Variants in METTL24 observed in about 807,000 individuals in gnomAD.
METTL24 encodes the protein probable methyltransferase-like protein 24.
A neutral mutation model predicts 32.7 loss-of-function variants in METTL24; 29 were observed. The observed-to-expected ratio is 0.89, with a 90% CI of 0.66 to 1.21. The LOEUF (loss-of-function observed/expected upper bound fraction) is 1.21. Ranked by LOEUF, METTL24 falls within the 50% of genes most tolerant of loss-of-function variation. The probability of loss-of-function intolerance (pLI) is 0.00; values close to 1 mark genes in which losing one functional copy is unlikely to be tolerated. For synonymous variants in METTL24, 163 were observed against 179.5 expected, an observed-to-expected ratio of 0.91 and a Z score of 0.73; for missense variants, 439 against 468.1, an observed-to-expected ratio of 0.94 and a Z score of 0.57.
chr6:110,328,364 T>G (rs1562238799), intron 1 of METTL24, among the ~76,000 whole-genome samples: 1 of 152,234 alleles, frequency 6.6e-6, no homozygotes, highest in East Asian at 1.9e-4. Context: ...TTTTCATTAC[T>G]AGAGAAAAAT....
At chr6:110,295,440 G>A (rs984356809) in intron 4 of METTL24, among the ~76,000 whole-genome samples, 3 of 152,168 alleles carry the variant, frequency 2.0e-5, no homozygotes, top group Admixed American at 6.5e-5. Flanking sequence ...GCAGGTGAAG[G>A]AAGACACAGT....
chr6:110,344,091 C>G (rs1002932498), intron 1 of METTL24, among the ~76,000 whole-genome samples: 1 of 152,136 alleles, frequency 6.6e-6, no homozygotes, highest in African/African-American at 2.4e-5. Flanking sequence ...TGTAATCTGC[C>G]CAACAATGCA....
intron 3 of METTL24, among the ~76,000 whole-genome samples, chr6:110,306,402 A>G (rs1341840579): frequency 6.6e-6 from 1 of 151,784 alleles, no homozygotes; most frequent in African/African-American, 2.4e-5. Flanking sequence ...TAATTTCCAG[A>G]GATGATCATG....
intron 1 of METTL24, among the ~76,000 whole-genome samples, chr6:110,323,138 A>G (rs538225891): frequency 1.3e-5 from 2 of 152,334 alleles, no homozygotes; most frequent in East Asian, 1.9e-4. Flanking sequence ...CTGACTCTGC[A>G]TGTATGATCA....
chr6:110,350,980 C>T (rs930984985), intron 1 of METTL24, among the ~76,000 whole-genome samples: 33 of 151,878 alleles, frequency 2.2e-4, no homozygotes, highest in African/African-American at 7.5e-4. Context: ...TGGTGGCAGG[C>T]GCCTGTAATC....
At chr6:110,279,824 C>T (rs1432432312) in intron 4 of METTL24, among the ~76,000 whole-genome samples, 2 of 152,084 alleles carry the variant, frequency 1.3e-5, no homozygotes, top group Admixed American at 6.6e-5. Context: ...TCATGTTGCT[C>T]TAAAGAAATA....
intron 4 of METTL24, among the ~76,000 whole-genome samples, chr6:110,286,983 T>G (rs185032494): frequency 4.7e-4 from 72 of 152,256 alleles, no homozygotes; most frequent in Admixed American, 1.1e-3. Flanking sequence ...ATCTTGTGAG[T>G]TAATACTTAA....
At chr6:110,302,050 C>T (rs1042740214) in intron 3 of METTL24, among the ~76,000 whole-genome samples, 2 of 151,984 alleles carry the variant, frequency 1.3e-5, no homozygotes, top group African/African-American at 4.8e-5. Flanking sequence ...CCGAGGTGGG[C>T]AGATCACGAG....
intron 4 of METTL24, among the ~76,000 whole-genome samples, chr6:110,296,877 T>C (rs1191737231): frequency 2.0e-5 from 3 of 152,132 alleles, no homozygotes; most frequent in Admixed American, 6.6e-5. Flanking sequence ...TGAAAACAGA[T>C]CGTGCTTGCT....
intron 4 of METTL24, among the ~76,000 whole-genome samples, chr6:110,261,197 A>T (rs948442776): frequency 4.6e-5 from 7 of 152,244 alleles, no homozygotes; most frequent in Admixed American, 3.3e-4. Context: ...GTCAAGACCC[A>T]TCAGTGTGCT....
chr6:110,253,942 A>G, intron 4 of METTL24: 1 of 1,454,826 alleles, frequency 6.9e-7, no homozygotes, highest in Non-Finnish European at 9.1e-7. Context: ...AGGAGGGGTG[A>G]GGAGGATGGC....
At chr6:110,271,582 A>C (rs958786410) in intron 4 of METTL24, among the ~76,000 whole-genome samples, 1 of 152,192 alleles carries the variant, frequency 6.6e-6, no homozygotes, top group Admixed American at 6.5e-5. Flanking sequence ...CCACACATAC[A>C]TTTGAACTTA....
At chr6:110,318,920 T>C (rs558006040) in intron 2 of METTL24, among the ~76,000 whole-genome samples, 2 of 152,344 alleles carry the variant, frequency 1.3e-5, no homozygotes, top group Admixed American at 6.5e-5. Flanking sequence ...ACTCAACTAA[T>C]TATGTTCTCT....
intron 1 of METTL24, among the ~76,000 whole-genome samples, chr6:110,355,190 G>C (rs144640911): frequency 6.6e-6 from 1 of 152,258 alleles, no homozygotes; most frequent in African/African-American, 2.4e-5. Context: ...CATTCCAAGT[G>C]GGGGAGGGGT....
At chr6:110,303,511 A>C (rs1403521733) in intron 3 of METTL24, among the ~76,000 whole-genome samples, 2 of 152,186 alleles carry the variant, frequency 1.3e-5, no homozygotes, top group Non-Finnish European at 2.9e-5. Flanking sequence ...AGGCTTAAGT[A>C]GGCGGTTTTC....
chr6:110,346,337 T>C (rs1411346450), intron 1 of METTL24, among the ~76,000 whole-genome samples: 1 of 152,136 alleles, frequency 6.6e-6, no homozygotes, highest in Non-Finnish European at 1.5e-5. Context: ...CCTGCCTTCA[T>C]AGGGAATGAC....
chr6:110,341,062 ATTAAG>A (rs1772346885), intron 1 of METTL24, among the ~76,000 whole-genome samples: 1 of 151,044 alleles, frequency 6.6e-6, no homozygotes, highest in African/African-American at 2.4e-5. Flanking sequence ...TGTTTTTCCT[ATTAAG>A]TTAATGGCTT....
chr6:110,281,312 G>T (rs1421045283), intron 4 of METTL24, among the ~76,000 whole-genome samples: 1 of 152,092 alleles, frequency 6.6e-6, no homozygotes, highest in Admixed American at 6.6e-5. Flanking sequence ...AAATAAAGAG[G>T]TTGGGAAATT....
At chr6:110,354,941 C>A (rs977260317) in intron 1 of METTL24, among the ~76,000 whole-genome samples, 7 of 152,218 alleles carry the variant, frequency 4.6e-5, no homozygotes, top group African/African-American at 1.7e-4. Flanking sequence ...GCAAAAGGCC[C>A]ATTTATTTCT....
Sources: allele counts gnomAD v4.1 joint callset (sites outside exome capture counted in the v4.1 genomes callset), GRCh38; gene constraint gnomAD v4.1.1; transcripts MANE v1.5; gene names NCBI Gene and HGNC (gene_info 2026-07-23, HGNC 2026-07-21).